NAV2: variants seen among roughly 807,000 people sequenced by gnomAD.
NAV2 encodes the protein helicase, APC down-regulated 1.
In NAV2, 54 loss-of-function variants were observed where a neutral mutation model predicts 223.2. The ratio of observed to expected loss-of-function variants is 0.24; its 90% CI spans 0.19 to 0.30. The LOEUF (loss-of-function observed/expected upper bound fraction) is 0.30, where lower values mean the gene tolerates loss of function less well. Ranked by LOEUF, NAV2 falls within the 10% of genes least tolerant of loss-of-function variation. The pLI, the probability that NAV2 is intolerant of heterozygous loss-of-function variation, is 1.00. For missense variants in NAV2, 2,806 were observed against 3,147.5 expected (o/e 0.89, Z 2.60); for synonymous variants, 1,279 against 1,239.3 (o/e 1.03, Z -0.67).
chr11:19,894,662 G>C (rs1042680705), intron 6 of NAV2, among the ~76,000 whole-genome samples: 3 of 152,154 alleles, frequency 2.0e-5, no homozygotes, highest in African/African-American at 7.2e-5. Context: ...AAGGACCATG[G>C]TGCAAATTCC....
intron 1 of NAV2, among the ~76,000 whole-genome samples, chr11:19,520,498 G>A (rs1364723780): frequency 6.6e-6 from 1 of 152,148 alleles, no homozygotes; most frequent in African/African-American, 2.4e-5. Flanking sequence ...TCCCAATCCT[G>A]TACCTCACTG....
At chr11:19,629,279 C>A (rs775549012) in intron 1 of NAV2, among the ~76,000 whole-genome samples, 4 of 152,040 alleles carry the variant, frequency 2.6e-5, no homozygotes, top group African/African-American at 4.8e-5. Flanking sequence ...TTAGGCAGAG[C>A]CATTCAGTCC....
chr11:19,836,449 C>T (rs1023396562), intron 2 of NAV2, among the ~76,000 whole-genome samples: 5 of 150,966 alleles, frequency 3.3e-5, no homozygotes, highest in Admixed American at 6.6e-5. Flanking sequence ...CCCAGCTGCT[C>T]GGGAGGCTGA....
At chr11:19,911,018 AT>A (rs1341958669) in intron 6 of NAV2, among the ~76,000 whole-genome samples, 16 of 146,304 alleles carry the variant, frequency 1.1e-4, no homozygotes, top group Non-Finnish European at 2.1e-4. Flanking sequence ...CAGTATCATC[AT>A]TTTGCAAGCA....
In NAV2 at chr11:19,355,397, G is replaced by A. The variant is rs116974338; in HGVS notation, c.75+4370G>A. Reference sequence around the variant, plus strand: ...ATGTCTTTGGAGAGTGTGAACTCGGGTTTAGTGTAATTAAAATTTCTAGGG... The same window carrying A: ...ATGTCTTTGGAGAGTGTGAACTCGGATTTAGTGTAATTAAAATTTCTAGGG... On this transcript the variant is annotated intron_variant, in intron 1 of 37. Coordinates refer to the NAV2 transcript ENST00000360655. Among the ~76,000 whole-genome samples, 67 of 152,204 alleles carry A rather than the reference G, an allele frequency of 4.4e-4. 2 individuals carry two copies. The East Asian group carries it at 0.012, about 27-fold the overall frequency.
chr11:19,406,856 C>T (rs1849919572), intron 1 of NAV2, among the ~76,000 whole-genome samples: 1 of 152,172 alleles, frequency 6.6e-6, no homozygotes, highest in South Asian at 2.1e-4. Context: ...CCTGACTGCT[C>T]CTGATTCTCT....
intron 1 of NAV2, among the ~76,000 whole-genome samples, chr11:19,580,246 C>A (rs1028109637): frequency 6.6e-6 from 1 of 152,092 alleles, no homozygotes; most frequent in Non-Finnish European, 1.5e-5. Flanking sequence ...TTCTGGCTGC[C>A]TAAAAGATTG....
chr11:19,825,291 C>CAAAA (rs58499844), intron 1 of NAV2, among the ~76,000 whole-genome samples: 2 of 48,206 alleles, frequency 4.1e-5, no homozygotes, highest in African/African-American at 9.3e-5. Context: ...GACTCTGTCT[C>CAAAA]AAAAAAAAAA....
chr11:19,881,853 G>A (rs55829791), intron 5 of NAV2, among the ~76,000 whole-genome samples: 1 of 152,184 alleles, frequency 6.6e-6, no homozygotes, highest in Non-Finnish European at 1.5e-5. Flanking sequence ...GGACATGAAG[G>A]GTAAGCTTGG....
chr11:19,636,616 G>A (rs775534760), intron 1 of NAV2, among the ~76,000 whole-genome samples: 4 of 151,334 alleles, frequency 2.6e-5, no homozygotes, highest in East Asian at 2.0e-4. Flanking sequence ...TCAGCCTCCC[G>A]AGTAACTGGG....
upstream of NAV2, chr11:19,712,121 G>T (rs2049911550): frequency 6.6e-6 from 1 of 152,232 alleles, no homozygotes; most frequent in Non-Finnish European, 1.5e-5. Context: ...CGCGGACAGG[G>T]AGGGGCTCCA....
chr11:19,749,934 G>A (rs753993054), intron 1 of NAV2, among the ~76,000 whole-genome samples: 17 of 152,166 alleles, frequency 1.1e-4, no homozygotes, highest in Non-Finnish European at 2.4e-4. Context: ...TCTGCTGGTG[G>A]GCCATTTGAG....
chr11:20,072,911 A>G lies in NAV2; in HGVS notation c.4983+4513A>G, dbSNP rs140010655. On this transcript the variant is annotated intron_variant, in intron 22 of 37. Coordinates refer to ENST00000349880, the MANE Select transcript of NAV2 (RefSeq NM_145117.5). ...GACAATTTGACTTCCTGTTTTCCCA[A>G]TTGAATACCCTTTATTTCCTTCTCT... 5.9e-3 allele frequency among the ~76,000 whole-genome samples: 899 copies of G among 152,252 alleles called. 7 individuals carry two copies. Among genetic ancestry groups the G allele is most frequent in the African/African-American group, 0.02 (851 of 41,538 alleles).
At chr11:20,079,016 C>T (rs1420192086) in intron 24 of NAV2, among the ~76,000 whole-genome samples, 1 of 152,166 alleles carries the variant, frequency 6.6e-6, no homozygotes, top group Non-Finnish European at 1.5e-5. Flanking sequence ...CTGATGAGGA[C>T]ACTAGTGTTC....
chr11:19,529,667 A>G (rs2043961921), intron 1 of NAV2, among the ~76,000 whole-genome samples: 1 of 152,208 alleles, frequency 6.6e-6, no homozygotes, highest in South Asian at 2.1e-4. Flanking sequence ...ACCAGCACAG[A>G]GGTCCAGGGT....
chr11:19,370,958 T>C (rs1848448498), intron 1 of NAV2, among the ~76,000 whole-genome samples: 1 of 152,364 alleles, frequency 6.6e-6, no homozygotes, highest in East Asian at 1.9e-4. Flanking sequence ...TAGCCTCATA[T>C]GTAGAAGGTC....
chr11:19,512,163 G>T (rs2134238989), intron 1 of NAV2, among the ~76,000 whole-genome samples: 1 of 152,288 alleles, frequency 6.6e-6, no homozygotes, highest in South Asian at 2.1e-4. Flanking sequence ...TACCTAGGAG[G>T]CTCTGTTGGG....
At chr11:19,735,634 A>C (rs2052212337) in intron 1 of NAV2, among the ~76,000 whole-genome samples, 2 of 152,318 alleles carry the variant, frequency 1.3e-5, no homozygotes, top group Middle Eastern at 3.4e-3. Context: ...CTTGAACTCC[A>C]TTCTGAACCA....
At chr11:19,929,600 G>C (rs374031828) in intron 6 of NAV2, among the ~76,000 whole-genome samples, 2 of 152,186 alleles carry the variant, frequency 1.3e-5, no homozygotes, top group Non-Finnish European at 2.9e-5. Context: ...AACCAGGGGA[G>C]CCCAGACTAA....
Sources: gnomAD v4.1 joint callset for allele counts (sites outside exome capture counted in the v4.1 genomes callset) on GRCh38, gnomAD v4.1.1 for gene constraint, MANE v1.5 for transcripts, NCBI Gene and HGNC (gene_info 2026-07-23, HGNC 2026-07-21) for gene names.